Variants in PXDNL observed in about 807,000 individuals in gnomAD.
The protein encoded by PXDNL is probable oxidoreductase PXDNL.
Under a neutral mutation model 150.8 loss-of-function variants are expected in PXDNL, and 145 were observed. That is an observed-to-expected ratio of 0.96 (90% CI 0.84 to 1.10). The LOEUF is 1.10. Ranked by LOEUF, PXDNL falls within the 50% of genes least tolerant of loss-of-function variation. PXDNL has a pLI of 0.00. For missense variants in PXDNL, 2,087 were observed against 1,873.9 expected (o/e 1.11, Z -2.10); for synonymous variants, 757 against 725.7 (o/e 1.04, Z -0.69).
At chr8:51,342,825 T>G (rs1407348504) in intron 20 of PXDNL, among the ~76,000 whole-genome samples, 2 of 147,184 alleles carry the variant, frequency 1.4e-5, no homozygotes, top group African/African-American at 2.5e-5. Context: ...GTTGTTAACA[T>G]GTCCACAGTA....
At chr8:51,355,442 C>T (rs1806477554) in intron 19 of PXDNL, among the ~76,000 whole-genome samples, 1 of 152,054 alleles carries the variant, frequency 6.6e-6, no homozygotes, top group African/African-American at 2.4e-5. Flanking sequence ...TCAATAAATC[C>T]CAGTAGAAAA....
chr8:51,552,908 C>A (rs1812523390), intron 4 of PXDNL, among the ~76,000 whole-genome samples: 1 of 152,120 alleles, frequency 6.6e-6, no homozygotes, highest in South Asian at 2.1e-4. Context: ...CATGATTCAT[C>A]CTGAGGCAAA....
chr8:51,516,101 AC>A (rs1214009488), intron 4 of PXDNL, among the ~76,000 whole-genome samples: 1 of 152,308 alleles, frequency 6.6e-6, no homozygotes, highest in East Asian at 1.9e-4. Flanking sequence ...TGTGTTTCTG[AC>A]TTTTAAAGGA....
intron 2 of PXDNL, among the ~76,000 whole-genome samples, chr8:51,647,269 T>A (rs1814939795): frequency 6.6e-6 from 1 of 152,056 alleles, no homozygotes; most frequent in Non-Finnish European, 1.5e-5. Context: ...ATAAGCCAAA[T>A]TTTCCTGGCA....
intron 17 of PXDNL, among the ~76,000 whole-genome samples, chr8:51,390,795 G>A (rs1807874984): frequency 6.6e-6 from 1 of 151,736 alleles, no homozygotes; most frequent in African/African-American, 2.4e-5. Flanking sequence ...TGCACAATGT[G>A]CAGGTTAGTT....
At chr8:51,372,372 A>G in intron 18 of PXDNL, among the ~76,000 whole-genome samples, 2 of 152,214 alleles carry the variant, frequency 1.3e-5, no homozygotes, top group Middle Eastern at 3.4e-3. Context: ...ACATTTTTAA[A>G]TTTTTTTTAA....
rs190646854 is a variant in PXDNL, at chr8:51,340,838, A to G, written c.4017-1085T>C. Among the ~76,000 whole-genome samples the G allele has an allele frequency of 7.5e-4, 115 of 152,358 alleles. 1 individual carries two copies. Among genetic ancestry groups the G allele is most frequent in the Non-Finnish European group, 1.3e-3 (88 of 68,026 alleles). Reference sequence around the variant, plus strand: ...TACTGTGTTAAAACAGTTTAAATATACAAGTATTGTTAGGGATAATATTAA... The same window carrying G: ...TACTGTGTTAAAACAGTTTAAATATGCAAGTATTGTTAGGGATAATATTAA... On this transcript the variant is annotated intron_variant, in intron 20 of 22. Transcript: ENST00000356297.
intron 3 of PXDNL, among the ~76,000 whole-genome samples, chr8:51,562,385 C>CA (rs1000017879): frequency 2.6e-5 from 4 of 151,712 alleles, no homozygotes; most frequent in Non-Finnish European, 5.9e-5. Flanking sequence ...TCCCTAATTC[C>CA]AAAAAATATT....
At chr8:51,770,440 C>A (rs1017340308) in intron 1 of PXDNL, among the ~76,000 whole-genome samples, 1 of 152,196 alleles carries the variant, frequency 6.6e-6, no homozygotes, top group Non-Finnish European at 1.5e-5. Context: ...AGCATGGGGA[C>A]GGAGGTGTCC....
chr8:51,768,668 T>C (rs879520191), intron 1 of PXDNL, among the ~76,000 whole-genome samples: 1 of 152,182 alleles, frequency 6.6e-6, no homozygotes, highest in Non-Finnish European at 1.5e-5. Context: ...ACTTGTGAGC[T>C]CTAAGCTGGG....
At chr8:51,435,756 G>T (rs1191781335) in intron 12 of PXDNL, 2 of 396,968 alleles carry the variant, frequency 5.0e-6, no homozygotes. Flanking sequence ...GGCCCCGTTT[G>T]CAAGGGGGAG....
chr8:51,573,051 A>T (rs1812980044), intron 3 of PXDNL, among the ~76,000 whole-genome samples: 1 of 152,074 alleles, frequency 6.6e-6, no homozygotes, highest in South Asian at 2.1e-4. Flanking sequence ...ATCAATGAGT[A>T]CAGATGACAA....
chr8:51,770,620 G>A (rs997494323), intron 1 of PXDNL, among the ~76,000 whole-genome samples: 4 of 152,112 alleles, frequency 2.6e-5, no homozygotes, highest in African/African-American at 7.2e-5. Flanking sequence ...ACAGGCCTTC[G>A]GCAGGATCTG....
At chr8:51,551,674 T>G (rs1386959916) in intron 4 of PXDNL, among the ~76,000 whole-genome samples, 2 of 152,002 alleles carry the variant, frequency 1.3e-5, no homozygotes, top group African/African-American at 4.8e-5. Flanking sequence ...AAAAATCAAC[T>G]CAAGAAGGGT....
intron 17 of PXDNL, among the ~76,000 whole-genome samples, chr8:51,398,332 G>A (rs979987176): frequency 2.0e-5 from 3 of 152,222 alleles, no homozygotes; most frequent in Non-Finnish European, 4.4e-5. Context: ...GGGACCTGCG[G>A]TGGGGAGTGG....
chr8:51,595,396 T>G (rs1813542927), intron 2 of PXDNL, among the ~76,000 whole-genome samples: 1 of 152,004 alleles, frequency 6.6e-6, no homozygotes, highest in Non-Finnish European at 1.5e-5. Context: ...ATAATAAAAT[T>G]TATAAAGAAA....
At chr8:51,366,569 C>T (rs1482773116) in intron 19 of PXDNL, among the ~76,000 whole-genome samples, 1 of 151,458 alleles carries the variant, frequency 6.6e-6, no homozygotes, top group Non-Finnish European at 1.5e-5. Context: ...ATAGAAGATA[C>T]GTTTTACGTA....
intron 8 of PXDNL, among the ~76,000 whole-genome samples, chr8:51,458,268 C>G (rs1809981642): frequency 6.6e-6 from 1 of 152,140 alleles, no homozygotes; most frequent in South Asian, 2.1e-4. Context: ...AGTGCATAAT[C>G]CATTGAGTGC....
intron 1 of PXDNL, among the ~76,000 whole-genome samples, chr8:51,662,222 C>T (rs1815289319): frequency 1.3e-5 from 2 of 152,014 alleles, no homozygotes; most frequent in African/African-American, 2.4e-5. Flanking sequence ...GAAGAAGCAA[C>T]AAAAAATAAA....
Sources: gnomAD v4.1 joint callset for allele counts (sites outside exome capture counted in the v4.1 genomes callset) on GRCh38, gnomAD v4.1.1 for gene constraint, MANE v1.5 for transcripts, NCBI Gene and HGNC (gene_info 2026-07-23, HGNC 2026-07-21) for gene names.